Variants in APBB2 observed in about 807,000 individuals in gnomAD.
The protein encoded by APBB2 is amyloid beta precursor protein binding family B member 2, also known as Fe65-like 1.
APBB2 carries 38 observed loss-of-function variants against 82.5 expected under a neutral mutation model. That is an observed-to-expected ratio of 0.46 (90% CI 0.36 to 0.60). The LOEUF is 0.60. APBB2 is among the 20% of genes least tolerant of loss of function. The pLI, the probability that APBB2 is intolerant of heterozygous loss-of-function variation, is 0.00. For missense variants in APBB2, 772 were observed against 972.3 expected (o/e 0.79, Z 2.74); for synonymous variants, 341 against 368.2 (o/e 0.93, Z 0.85).
chr4:40,817,316 G>A (rs1746085811), intron 17 of APBB2, among the ~76,000 whole-genome samples: 1 of 152,166 alleles, frequency 6.6e-6, no homozygotes, highest in Non-Finnish European at 1.5e-5. Context: ...GCTGAGGCGG[G>A]AGGATTGCTT....
At chr4:40,975,100 G>A (rs1343512400) in intron 6 of APBB2, among the ~76,000 whole-genome samples, 2 of 152,052 alleles carry the variant, frequency 1.3e-5, no homozygotes, top group East Asian at 3.8e-4. Context: ...CCAATGCTAG[G>A]CTATCACTCC....
chr4:40,842,807 A>G (rs1756282862), intron 12 of APBB2, among the ~76,000 whole-genome samples: 1 of 152,168 alleles, frequency 6.6e-6, no homozygotes, highest in African/African-American at 2.4e-5. Context: ...ACACTCTATT[A>G]ACAGAGCCAC....
chr4:40,829,903 C>T (rs1751293136), intron 13 of APBB2, among the ~76,000 whole-genome samples: 1 of 152,198 alleles, frequency 6.6e-6, no homozygotes, highest in Admixed American at 6.5e-5. Context: ...TAACGGCAAT[C>T]CCCAGCTCCC....
intron 6 of APBB2, among the ~76,000 whole-genome samples, chr4:40,972,918 C>T (rs1796307129): frequency 6.6e-6 from 1 of 152,180 alleles, no homozygotes; most frequent in South Asian, 2.1e-4. Context: ...ATGAATTCCA[C>T]AGCCTTGAAT....
At chr4:41,038,851 T>G (rs540343269) in intron 4 of APBB2, among the ~76,000 whole-genome samples, 6 of 152,242 alleles carry the variant, frequency 3.9e-5, no homozygotes, top group African/African-American at 2.4e-5. Flanking sequence ...TTCTCAGGTA[T>G]GACTATTCCA....
intron 1 of APBB2, among the ~76,000 whole-genome samples, chr4:41,176,030 G>A (rs1769677568): frequency 6.6e-6 from 1 of 152,098 alleles, no homozygotes; most frequent in African/African-American, 2.4e-5. Context: ...TTTAAGACAT[G>A]AATGTAACAT....
chr4:41,179,351 A>G (rs953126100), intron 1 of APBB2, among the ~76,000 whole-genome samples: 1 of 152,252 alleles, frequency 6.6e-6, no homozygotes, highest in Non-Finnish European at 1.5e-5. Flanking sequence ...AACATAAATC[A>G]TATCAACATA....
At chr4:41,031,669 C>G (rs927463285) in intron 5 of APBB2, among the ~76,000 whole-genome samples, 1 of 152,154 alleles carries the variant, frequency 6.6e-6, no homozygotes, top group Non-Finnish European at 1.5e-5. Flanking sequence ...GAGGAACACA[C>G]ATCATTTTAT....
At chr4:40,915,881 C>T (rs1389611603) in intron 10 of APBB2, among the ~76,000 whole-genome samples, 2 of 152,038 alleles carry the variant, frequency 1.3e-5, no homozygotes, top group Non-Finnish European at 2.9e-5. Context: ...GTCCTGAGAG[C>T]ATTAGCCAGA....
At chr4:40,940,879 T>C (rs1417401133) in intron 7 of APBB2, among the ~76,000 whole-genome samples, 1 of 152,218 alleles carries the variant, frequency 6.6e-6, no homozygotes, top group African/African-American at 2.4e-5. Context: ...CCAAGCAGTC[T>C]GCAAGGTAAT....
At chr4:41,064,584 C>T (rs1731039787) in intron 4 of APBB2, among the ~76,000 whole-genome samples, 1 of 152,198 alleles carries the variant, frequency 6.6e-6, no homozygotes, top group African/African-American at 2.4e-5. Flanking sequence ...CTGAGACACA[C>T]TGCCCTTCAT....
At chr4:40,957,864 A>G (rs901174965) in intron 6 of APBB2, among the ~76,000 whole-genome samples, 1 of 152,100 alleles carries the variant, frequency 6.6e-6, no homozygotes, top group Non-Finnish European at 1.5e-5. Context: ...GATTACAGGC[A>G]TGAGCCACCA....
chr4:41,181,343 A>G (rs1384318069), intron 1 of APBB2, among the ~76,000 whole-genome samples: 2 of 152,180 alleles, frequency 1.3e-5, no homozygotes, highest in Non-Finnish European at 2.9e-5. Flanking sequence ...ATAATGGGAG[A>G]CGATGAAACT....
intron 3 of APBB2, among the ~76,000 whole-genome samples, chr4:41,085,076 C>A (rs1739138524): frequency 6.6e-6 from 1 of 152,032 alleles, no homozygotes; most frequent in Admixed American, 6.6e-5. Flanking sequence ...CAGTGAAACT[C>A]CATCTCTACT....
At chr4:41,116,227 C>T (rs751337241) in intron 2 of APBB2, among the ~76,000 whole-genome samples, 12 of 152,278 alleles carry the variant, frequency 7.9e-5, no homozygotes, top group Non-Finnish European at 1.8e-4. Flanking sequence ...GAAAACCAAA[C>T]ACTGCATGTT....
At chr4:41,025,826 C>T (rs62412140) in intron 5 of APBB2, among the ~76,000 whole-genome samples, 5,178 of 116,926 alleles carry the variant, frequency 0.044, 178 homozygotes, top group African/African-American at 0.12. Flanking sequence ...GGCTGATGGC[C>T]GGAGAATCTC....
chr4:41,147,987 A>G (rs1483874992), intron 1 of APBB2, among the ~76,000 whole-genome samples: 2 of 152,196 alleles, frequency 1.3e-5, no homozygotes, highest in African/African-American at 4.8e-5. Flanking sequence ...TTTATTATAA[A>G]AATTAGATTT....
At chr4:41,064,014 T>C (rs981750739) in intron 4 of APBB2, among the ~76,000 whole-genome samples, 5 of 141,714 alleles carry the variant, frequency 3.5e-5, no homozygotes, top group Non-Finnish European at 7.5e-5. Flanking sequence ...TGGAGTGCTG[T>C]GTCGCCCAGG....
At chr4:41,098,213 TCTCA>T in intron 3 of APBB2, among the ~76,000 whole-genome samples, 1 of 152,092 alleles carries the variant, frequency 6.6e-6, no homozygotes, top group Admixed American at 6.6e-5. Context: ...AGAGTCAGGA[TCTCA>T]CTCAAGTGTC....
Sources: allele counts gnomAD v4.1 joint callset (sites outside exome capture counted in the v4.1 genomes callset), GRCh38; gene constraint gnomAD v4.1.1; transcripts MANE v1.5; gene names NCBI Gene and HGNC (gene_info 2026-07-23, HGNC 2026-07-21).